The following FAXC variants were observed in gnomAD, a reference collection of about 807,000 sequenced individuals.
The protein encoded by FAXC is failed axon connections homolog.
A neutral mutation model predicts 41.9 loss-of-function variants in FAXC; 10 were observed. That is an observed-to-expected ratio of 0.24 (90% CI 0.15 to 0.41). The LOEUF is 0.41. Ranked by LOEUF, FAXC falls within the 10% of genes least tolerant of loss-of-function variation. The probability of loss-of-function intolerance (pLI) is 1.00; values close to 1 mark genes in which losing one functional copy is unlikely to be tolerated. For synonymous variants in FAXC, 183 were observed against 183.8 expected (o/e 1.00, Z 0.03); for missense variants, 399 against 510.9 (o/e 0.78, Z 2.11).
intron 4 of FAXC, among the ~76,000 whole-genome samples, chr6:99,307,711 T>TGA (rs1388838088): frequency 6.6e-6 from 1 of 151,434 alleles, no homozygotes; most frequent in Non-Finnish European, 1.5e-5. Context: ...ATGGAAAGAG[T>TGA]GAGGTAACTG....
At chr6:99,287,404 A>G (rs1258250605) in intron 5 of FAXC, among the ~76,000 whole-genome samples, 1 of 152,112 alleles carries the variant, frequency 6.6e-6, no homozygotes, top group Non-Finnish European at 1.5e-5. Flanking sequence ...TCTTTTCTAA[A>G]TTTTCTTCAG....
At position 99,272,599 on chromosome 6, in the gene FAXC, C is replaced by T. The variant is rs1937515794; in HGVS notation, c.*8565G>A. 6.6e-6 allele frequency: 1 copy of T among 152,224 alleles called. No individual in the cohort carries two copies. The highest frequency in any genetic ancestry group is 2.4e-5 in the African/African-American group (1 of 41,448). 9.4% of individuals were successfully genotyped at this position (152,224 alleles called of 1,614,324 possible). A position where few individuals can be genotyped will look rare whatever the true frequency, so the allele number is the denominator to read the frequency against. ...GTCTTCTCTCTACCAGTGGTTCTCA[C>T]ACTTCGTAACACTCTGAGGCACACT... On this transcript the variant is annotated 3_prime_UTR_variant, in exon 6 of 6. Transcript: ENST00000389677.
At chr6:99,311,853 T>C (rs1053559116) in intron 4 of FAXC, among the ~76,000 whole-genome samples, 1 of 152,106 alleles carries the variant, frequency 6.6e-6, no homozygotes. Flanking sequence ...CTCTGTCTCT[T>C]CTCCCCTCCC....
intron 4 of FAXC, among the ~76,000 whole-genome samples, chr6:99,296,511 A>T (rs551637495): frequency 7.2e-5 from 11 of 152,118 alleles, no homozygotes; most frequent in Non-Finnish European, 1.6e-4. Context: ...GAAGGTTGAA[A>T]ACATCAAAGC....
In FAXC at chr6:99,276,290, T is replaced by C. The variant is rs1770615584; in HGVS notation, c.*4874A>G. Reference sequence around the variant, plus strand: ...ATAAATGAATACAGGAAAACCTGATTGTGCAGACCTTTCTTCTTTAAGGAA... The same window carrying C: ...ATAAATGAATACAGGAAAACCTGATCGTGCAGACCTTTCTTCTTTAAGGAA... On this transcript the variant is annotated 3_prime_UTR_variant, in exon 6 of 6. Transcript: ENST00000389677. The C allele has an allele frequency of 1.3e-5, 2 of 152,328 alleles. No individual in the cohort carries two copies. Among genetic ancestry groups the C allele is most frequent in the South Asian group, 4.1e-4 (2 of 4,826 alleles). 9.4% of individuals were successfully genotyped at this position (152,328 alleles called of 1,614,324 possible).
chr6:99,329,129 A>G (rs1037083306), intron 3 of FAXC, among the ~76,000 whole-genome samples: 45 of 152,224 alleles, frequency 3.0e-4, no homozygotes, highest in African/African-American at 1.1e-3. Context: ...GAGAGGGTCA[A>G]TTTGGAAAGC....
chr6:99,333,713 GA>G (rs926909878), intron 2 of FAXC, among the ~76,000 whole-genome samples, 166 bp from the exon 3 acceptor site: 4 of 151,718 alleles, frequency 2.6e-5, no homozygotes, highest in African/African-American at 9.7e-5. Context: ...GTTACTTCAG[GA>G]AAAAAACTTG....
intron 4 of FAXC, among the ~76,000 whole-genome samples, chr6:99,303,521 C>A (rs1391700877): frequency 6.6e-6 from 1 of 152,148 alleles, no homozygotes; most frequent in Non-Finnish European, 1.5e-5. Context: ...CTGGCCTGTC[C>A]CATACTACTC....
At chr6:99,308,062 T>C (rs1483952326) in intron 4 of FAXC, among the ~76,000 whole-genome samples, 1 of 152,160 alleles carries the variant, frequency 6.6e-6, no homozygotes, top group East Asian at 1.9e-4. Flanking sequence ...TTTGGGAGGA[T>C]GAGGCAGGTG....
At chr6:99,336,887 A>G (rs1224743530) in intron 2 of FAXC, among the ~76,000 whole-genome samples, 1 of 152,208 alleles carries the variant, frequency 6.6e-6, no homozygotes, top group Non-Finnish European at 1.5e-5. Context: ...GAATACCCAT[A>G]GGTTTCAGGT....
At chr6:99,318,302 C>CAAAA (rs1328926883) in intron 4 of FAXC, among the ~76,000 whole-genome samples, 4,097 of 104,716 alleles carry the variant, frequency 0.039, 159 homozygotes, top group Middle Eastern at 0.092. Context: ...CACACACACA[C>CAAAA]ACACAAAATA....
At chr6:99,295,829 T>A (rs1200358235) in intron 4 of FAXC, among the ~76,000 whole-genome samples, 1 of 152,194 alleles carries the variant, frequency 6.6e-6, no homozygotes, top group Non-Finnish European at 1.5e-5. Context: ...CCTTTGTAAC[T>A]AATAATCTTG....
chr6:99,299,163 T>C (rs1771608699), intron 4 of FAXC, among the ~76,000 whole-genome samples: 1 of 152,226 alleles, frequency 6.6e-6, no homozygotes, highest in Non-Finnish European at 1.5e-5. Flanking sequence ...CCTGTTTTCA[T>C]ATATATCATT....
At chr6:99,325,187 G>A (rs1161284403) in intron 3 of FAXC, among the ~76,000 whole-genome samples, 1 of 151,750 alleles carries the variant, frequency 6.6e-6, no homozygotes, top group Non-Finnish European at 1.5e-5. Flanking sequence ...ACAATGAAAT[G>A]CTGTTTTCCA....
intron 4 of FAXC, among the ~76,000 whole-genome samples, chr6:99,295,544 C>A (rs1771453430): frequency 6.6e-6 from 1 of 152,162 alleles, no homozygotes; most frequent in Non-Finnish European, 1.5e-5. Flanking sequence ...TGCCTAACTG[C>A]CTTCAAACTG....
chr6:99,307,182 T>C (rs1045820338), intron 4 of FAXC, among the ~76,000 whole-genome samples: 1 of 152,160 alleles, frequency 6.6e-6, no homozygotes, highest in Non-Finnish European at 1.5e-5. Context: ...AGCCAACTAG[T>C]AGCAGGTCTG....
chr6:99,300,258 T>G (rs1200075195), intron 4 of FAXC, among the ~76,000 whole-genome samples: 1 of 152,206 alleles, frequency 6.6e-6, no homozygotes, highest in Non-Finnish European at 1.5e-5. Context: ...GAACACCTTC[T>G]GAACTCTGGA....
rs143243990 is a variant in FAXC at position 99,348,479 on chromosome 6, C to T, written c.266+628G>A. On this transcript the variant is annotated intron_variant, in intron 1 of 5. Transcript: ENST00000389677. ...GGGCGACTCCGTGTTGTGCCCAACA[C>T]ACCCATGTGCTAGCCTGTCCTACTG... 3.3e-4 allele frequency among the ~76,000 whole-genome samples: 50 copies of T among 152,304 alleles called. No individual in the cohort carries two copies. The South Asian group carries it at 5.0e-3, about 15-fold the overall frequency.
intron 5 of FAXC, among the ~76,000 whole-genome samples, chr6:99,284,672 G>A (rs546555173): frequency 1.3e-5 from 2 of 151,602 alleles, no homozygotes; most frequent in African/African-American, 4.8e-5. Context: ...CAGCACTCTG[G>A]AAGGCTGAAG....
Sources: gnomAD v4.1 joint callset for allele counts (sites outside exome capture counted in the v4.1 genomes callset) on GRCh38, gnomAD v4.1.1 for gene constraint, MANE v1.5 for transcripts, NCBI Gene and HGNC (gene_info 2026-07-23, HGNC 2026-07-21) for gene names.